Variants in EYS observed in about 807,000 individuals in gnomAD.
EYS encodes the protein protein eyes shut homolog.
Under a neutral mutation model 282.1 loss-of-function variants are expected in EYS, and 250 were observed. The observed-to-expected ratio is 0.89, with a 90% CI of 0.80 to 0.98. The LOEUF (loss-of-function observed/expected upper bound fraction) is 0.98, where lower values mean the gene tolerates loss of function less well. Among genes scored for constraint, EYS ranks in the 50% least tolerant of loss-of-function variants. The probability of loss-of-function intolerance (pLI) is 0.00; values close to 1 mark genes in which losing one functional copy is unlikely to be tolerated. For missense variants in EYS, 4,016 were observed against 3,709.0 expected (o/e 1.08, Z -2.15); for synonymous variants, 1,355 against 1,282.9 (o/e 1.06, Z -1.20).
intron 2 of EYS, among the ~76,000 whole-genome samples, chr6:65,580,746 T>C (rs1309447269): frequency 2.0e-5 from 3 of 152,064 alleles, no homozygotes; most frequent in Non-Finnish European, 2.9e-5. Flanking sequence ...CATTGTTCTA[T>C]ATAAAGCTAC....
chr6:64,458,464 T>C (rs1397382426), intron 26 of EYS, among the ~76,000 whole-genome samples: 2 of 150,600 alleles, frequency 1.3e-5, no homozygotes, highest in Non-Finnish European at 2.9e-5. Context: ...TAATAATTTG[T>C]TTTTTTTCTT....
intron 10 of EYS, among the ~76,000 whole-genome samples, chr6:65,342,066 C>A (rs975293301): frequency 7.3e-5 from 11 of 151,006 alleles, no homozygotes; most frequent in Non-Finnish European, 1.0e-4. Flanking sequence ...ACATTGGGCT[C>A]CACAGAGCTT....
rs916715827 is a variant in EYS at position 65,465,317 on chromosome 6, AT to A, written c.862+25276del. On this transcript the variant is annotated intron_variant, in intron 5 of 42. Coordinates refer to ENST00000503581, the MANE Select transcript of EYS (RefSeq NM_001142800.2). Reference sequence around the variant, plus strand: ...ACATAATGGTACCTCATCTCCCCCCATTTTTTTTAATTAGCCAGGTGTGGTG... The same window carrying A: ...ACATAATGGTACCTCATCTCCCCCCATTTTTTTAATTAGCCAGGTGTGGTG... 5.6e-4 allele frequency among the ~76,000 whole-genome samples: 85 copies of A among 151,628 alleles called. 1 individual carries two copies. Among genetic ancestry groups the A allele is most frequent in the Middle Eastern group, 3.4e-3 (1 of 292 alleles).
intron 26 of EYS, among the ~76,000 whole-genome samples, chr6:64,568,493 C>T (rs1358424487): frequency 1.3e-5 from 2 of 152,202 alleles, no homozygotes; most frequent in African/African-American, 4.8e-5. Context: ...CAGGGACTTA[C>T]AGATAAAATT....
chr6:65,209,045 C>T (rs1283668666), intron 12 of EYS, among the ~76,000 whole-genome samples: 3 of 151,854 alleles, frequency 2.0e-5, no homozygotes, highest in Non-Finnish European at 4.4e-5. Flanking sequence ...TAATCTACAA[C>T]TAATTTGATG....
chr6:65,429,681 A>C (rs1767802819), intron 5 of EYS, among the ~76,000 whole-genome samples: 1 of 152,164 alleles, frequency 6.6e-6, no homozygotes, highest in African/African-American at 2.4e-5. Flanking sequence ...ACAATAAAAC[A>C]AGCAAAAGAG....
chr6:65,500,249 A>T lies in EYS; in HGVS notation c.-332-4256T>A, dbSNP rs1351259611. On this transcript the variant is annotated intron_variant, in intron 2 of 42. Coordinates refer to ENST00000503581, the MANE Select transcript of EYS (RefSeq NM_001142800.2). ...AACATGATTGCCAATAAGGCATAGG[A>T]TTAAACAAAGCGGCTGAGGCAAAAG... Among the ~76,000 whole-genome samples the T allele has an allele frequency of 2.6e-5, 4 of 152,054 alleles. No individual in the cohort carries two copies. In the East Asian group the frequency reaches 7.7e-4, roughly 29 times the overall value.
chr6:64,553,222 C>A (rs780917052), intron 26 of EYS, among the ~76,000 whole-genome samples: 6 of 152,076 alleles, frequency 3.9e-5, no homozygotes, highest in Non-Finnish European at 8.8e-5. Context: ...TTTTTGTCAA[C>A]AAAATGTAAA....
At chr6:64,116,051 A>C (rs1297950016) in intron 31 of EYS, among the ~76,000 whole-genome samples, 2 of 152,128 alleles carry the variant, frequency 1.3e-5, no homozygotes, top group African/African-American at 4.8e-5. Context: ...TGAGAAGTTC[A>C]ATAAAGAGAT....
chr6:64,063,706 G>A (rs1188236318), intron 33 of EYS, among the ~76,000 whole-genome samples: 1 of 151,980 alleles, frequency 6.6e-6, no homozygotes, highest in African/African-American at 2.4e-5. Context: ...ATATGCCATG[G>A]TTTTTTCTAG....
At chr6:63,944,696 A>C (rs973223903) in intron 35 of EYS, among the ~76,000 whole-genome samples, 4 of 152,250 alleles carry the variant, frequency 2.6e-5, no homozygotes, top group African/African-American at 9.6e-5. Flanking sequence ...TGGGAGGCTG[A>C]GGTGGGTGGA....
At chr6:65,486,736 GC>G (rs2127261200) in intron 5 of EYS, among the ~76,000 whole-genome samples, 1 of 152,250 alleles carries the variant, frequency 6.6e-6, no homozygotes, top group South Asian at 2.1e-4. Flanking sequence ...CAACAACTTT[GC>G]AGTATCTAAA....
intron 19 of EYS, among the ~76,000 whole-genome samples, chr6:64,845,915 C>CT (rs1765701082): frequency 6.6e-6 from 1 of 152,054 alleles, no homozygotes; most frequent in African/African-American, 2.4e-5. Context: ...CTTTAACTAA[C>CT]TTTTTTCCTT....
At chr6:64,294,683 A>G (rs1768842375) in intron 30 of EYS, among the ~76,000 whole-genome samples, 1 of 152,218 alleles carries the variant, frequency 6.6e-6, no homozygotes, top group African/African-American at 2.4e-5. Flanking sequence ...CTGTGGTTAT[A>G]CTTGCACTGA....
chr6:63,879,699 T>C (rs1440431454), intron 35 of EYS, among the ~76,000 whole-genome samples: 1 of 152,228 alleles, frequency 6.6e-6, no homozygotes, highest in Non-Finnish European at 1.5e-5. Context: ...GTTGTGAAGA[T>C]GAAAACTATG....
rs150952413 is a variant in EYS, at chr6:65,003,653, G to A, written c.2138-5950C>T. Among the ~76,000 whole-genome samples the A allele has an allele frequency of 3.8e-4, 56 of 147,120 alleles. 7 individuals carry two copies. In the East Asian group the frequency reaches 6.0e-3, roughly 16 times the overall value. ...CCTACCAACATGGGATGTCTCCCCC[G>A]GATGCCCAGCTTTAAAATTTCTCTC... On this transcript the variant is annotated intron_variant, in intron 13 of 42. Transcript: ENST00000503581.
intron 12 of EYS, among the ~76,000 whole-genome samples, chr6:65,196,740 T>C (rs1209266695): frequency 6.6e-6 from 1 of 152,104 alleles, no homozygotes; most frequent in Non-Finnish European, 1.5e-5. Context: ...ATGGTGGTAT[T>C]ATTGTCGTTT....
intron 22 of EYS, among the ~76,000 whole-genome samples, chr6:64,790,088 A>G (rs1774143621): frequency 1.3e-5 from 2 of 152,016 alleles, no homozygotes; most frequent in South Asian, 4.2e-4. Context: ...TTTTAAGAAA[A>G]CGTTTATTTG....
chr6:65,313,533 A>C (rs9354221), intron 11 of EYS, among the ~76,000 whole-genome samples: 133,753 of 145,916 alleles, frequency 0.92, 62,518 homozygotes, highest in East Asian at 1. Flanking sequence ...ATGACAACTT[A>C]ATCTTCCCAG....
Sources: allele counts gnomAD v4.1 joint callset (sites outside exome capture counted in the v4.1 genomes callset), GRCh38; gene constraint gnomAD v4.1.1; transcripts MANE v1.5; gene names NCBI Gene and HGNC (gene_info 2026-07-23, HGNC 2026-07-21).